Variants in HSPG2 observed in about 807,000 individuals in gnomAD.
HSPG2 encodes heparan sulfate proteoglycan 2.
In HSPG2, 278 loss-of-function variants were observed where a neutral mutation model predicts 526.6. The observed-to-expected ratio is 0.53, with a 90% confidence interval of 0.48 to 0.58. The LOEUF is 0.58. Ranked by LOEUF, HSPG2 falls within the 20% of genes least tolerant of loss-of-function variation. The probability of loss-of-function intolerance (pLI) is 0.00; values close to 1 mark genes in which losing one functional copy is unlikely to be tolerated. For missense variants in HSPG2, 5,354 were observed against 6,099.5 expected (o/e 0.88, Z 4.07); for synonymous variants, 2,465 against 2,555.4 (o/e 0.96, Z 1.07).
chr1:21,823,314 G>T lies in HSPG2; in HGVS notation c.*2C>A. The stretch of plus-strand genomic sequence containing the variant: ...GGGAGTCCGTGTGGGGCAGGCAGGT[G>T]CCTACGAGGGGCAGGGGCGTGTGTT... On this transcript the variant is annotated 3_prime_UTR_variant, in exon 97 of 97. Coordinates refer to ENST00000374695, the MANE Select transcript of HSPG2 (RefSeq NM_005529.7). 1 of 1,528,734 alleles carries T rather than the reference G, an allele frequency of 6.5e-7. No individual in the cohort carries two copies. The allele number at this position is 1,528,734 out of a possible 1,614,324, so 94.7% of individuals were successfully genotyped here.
At position 21,831,530 on chromosome 1, in the gene HSPG2, T is replaced by C; in HGVS notation, c.11385A>G (p.Glu3795=). Residue 3795 remains glutamate (E), a synonymous_variant, in exon 83 of 97, where the codon GAA becomes GAG. Coordinates refer to ENST00000374695, the MANE Select transcript of HSPG2 (RefSeq NM_005529.7). The part of the protein sequence containing the change: ...GKFQGLDLNE[E]LYLGGYPDYG... ...AGTCAGGATAGCCACCCAGGTAGAG[T>C]TCCTCGTTCAGATCCAGGCCCTGGA... 1.2e-6 allele frequency: 2 copies of C among 1,613,886 alleles called. No individual in the cohort carries two copies. The highest frequency in any genetic ancestry group is 2.2e-5 in the East Asian group (1 of 44,840).
chr1:21,922,198 T>C (rs975085975), intron 1 of HSPG2, among the ~76,000 whole-genome samples: 1 of 152,180 alleles, frequency 6.6e-6, no homozygotes, highest in African/African-American at 2.4e-5. Context: ...AGTGTAGGAA[T>C]TGCCATTCCC....
intron 37 of HSPG2, among the ~76,000 whole-genome samples, chr1:21,863,112 C>A (rs1355733235): frequency 7.1e-6 from 1 of 140,706 alleles, no homozygotes; most frequent in East Asian, 2.1e-4. Flanking sequence ...GTGGCTCACA[C>A]CTGTAATCCC....
rs1641276054 is a variant in HSPG2 at position 21,878,614 on chromosome 1, C to T, written c.2521G>A (p.Ala841Thr). 12 of 1,614,034 alleles carry T rather than the reference C, an allele frequency of 7.4e-6. No homozygotes were observed. Among genetic ancestry groups the T allele is most frequent in the African/African-American group, 1.3e-5 (1 of 74,920 alleles). The change falls in exon 19 of 97, where the codon GCC becomes ACC. Residue 841 changes from alanine to threonine, a missense_variant. By Grantham distance (58) the Ala-to-Thr change is moderately conservative (BLOSUM62 0). Transcript: ENST00000374695. ...LDTDGQATCD[A>T]CAPGYTGRRC... The stretch of plus-strand genomic sequence containing the variant: ...CGGCCAGTGTAGCCTGGGGCACAGG[C>T]GTCACATGTGGCTTGGCCATCCGTG...
At chr1:21,827,455 T>C (rs903430771) in intron 91 of HSPG2, among the ~76,000 whole-genome samples, 1 of 152,168 alleles carries the variant, frequency 6.6e-6, no homozygotes, top group Non-Finnish European at 1.5e-5. Flanking sequence ...GATGTGTCTG[T>C]AAAGGGGTTA....
At chr1:21,933,012 AG>A (rs1259979158) in intron 1 of HSPG2, among the ~76,000 whole-genome samples, 2 of 152,178 alleles carry the variant, frequency 1.3e-5, no homozygotes, top group Non-Finnish European at 2.9e-5. Flanking sequence ...TGAGCCCAGG[AG>A]TTCGAGACCT....
In HSPG2 at chr1:21,831,498, G is replaced by T; in HGVS notation, c.11417C>A (p.Ala3806Asp). The change falls in exon 83 of 97, where the codon GCC (alanine) becomes GAC (aspartate). Residue 3806 changes from alanine (A) to aspartate (D), a missense_variant. By Grantham distance (126) the Ala-to-Asp change is moderately radical (BLOSUM62 -2). Transcript: ENST00000374695. ...GCTGCTCAGCCCCGCCTTGGGGATG[G>T]CACCATAGTCAGGATAGCCACCCAG... is the stretch of plus-strand genomic sequence containing the variant. The part of the protein sequence containing the change: ...LYLGGYPDYG[A>D]IPKAGLSSGF... 1 of 1,614,160 alleles carries T rather than the reference G, an allele frequency of 6.2e-7. No homozygotes were observed. Among genetic ancestry groups the T allele is most frequent in the South Asian group, 1.1e-5 (1 of 91,090 alleles).
Position 21,829,600 on chromosome 1 carries a change from C to T in HSPG2, c.11775G>A (p.Val3925=). 6.2e-7 allele frequency: 1 copy of T among 1,603,816 alleles called. No individual in the cohort carries two copies. The highest frequency in any genetic ancestry group is 8.5e-7 in the Non-Finnish European group (1 of 1,174,200). ...CCGACAGCGAGGGGGTGGTCACTGT[C>T]ACACCTGCAGCAGCCACAGCTCAGC... ...GRSGLRCEEG[V]TVTTPSLSGA... is the part of the protein sequence containing the mutation. The change falls in exon 87 of 97, where the codon GTG becomes GTA. Residue 3925 remains valine (V), a synonymous_variant. Coordinates refer to ENST00000374695, the MANE Select transcript of HSPG2 (RefSeq NM_005529.7).
chr1:21,928,589 C>A (rs970786551), intron 1 of HSPG2, among the ~76,000 whole-genome samples: 2 of 151,824 alleles, frequency 1.3e-5, no homozygotes, highest in Admixed American at 1.3e-4. Flanking sequence ...TACAGTCATG[C>A]ACCACCACAC....
intron 3 of HSPG2, among the ~76,000 whole-genome samples, chr1:21,894,432 C>A (rs566960309): frequency 6.6e-6 from 1 of 152,218 alleles, no homozygotes; most frequent in East Asian, 1.9e-4. Context: ...CCCTGACTGG[C>A]ATTCAGCCCA....
chr1:21,846,432 C>T lies in HSPG2; in HGVS notation c.8316+16G>A. The T allele has an allele frequency of 6.2e-7, 1 of 1,613,236 alleles. No individual in the cohort carries two copies. The highest frequency in any genetic ancestry group is 8.5e-7 in the Non-Finnish European group (1 of 1,180,038). On this transcript the variant is annotated intron_variant, in intron 63 of 96. Coordinates refer to ENST00000374695, the MANE Select transcript of HSPG2 (RefSeq NM_005529.7). ...ACATCCAGCGGCTCTCCCACCATTT[C>T]CTGCCAGCTGCATACCTGATGGTGA...
chr1:21,916,059 AAAG>A (rs370782829), intron 1 of HSPG2, among the ~76,000 whole-genome samples: 4 of 79,020 alleles, frequency 5.1e-5, no homozygotes, highest in East Asian at 3.7e-3. Flanking sequence ...TCAAAAAAGA[AAAG>A]AAGAAGAAGA....
chr1:21,924,346 C>A (rs1226780090), intron 1 of HSPG2, among the ~76,000 whole-genome samples: 2 of 152,064 alleles, frequency 1.3e-5, no homozygotes, highest in Non-Finnish European at 2.9e-5. Context: ...TATAAGTGCC[C>A]AACACAACTC....
Position 21,884,561 on chromosome 1 carries a change from T to C in HSPG2, c.1621A>G (p.Arg541Gly). 1 of 1,611,330 alleles carries C rather than the reference T, an allele frequency of 6.2e-7. No homozygotes were observed. The highest frequency in any genetic ancestry group is 8.5e-7 in the Non-Finnish European group (1 of 1,179,916). The change falls in exon 13 of 97, where the codon AGG becomes GGG. Residue 541 changes from arginine to glycine, a missense_variant. Arg to Gly is a moderately radical substitution (Grantham distance 125). Transcript: ENST00000374695. ...QSTRRFRDQI[R>G]LRFDQPDDFK... ...TCATCGGGTTGGTCAAAGCGCAGCC[T>C]GATCTGGTCCCGGAAGCGGCGGGTG...
intron 1 of HSPG2, among the ~76,000 whole-genome samples, chr1:21,905,166 C>G (rs1279298736): frequency 9.3e-6 from 1 of 107,512 alleles, no homozygotes; most frequent in Non-Finnish European, 1.8e-5. Flanking sequence ...ACACCCACCA[C>G]CCACCCACAC....
In HSPG2 at chr1:21,872,899, G is replaced by A. The variant is rs895933864; in HGVS notation, c.3888+98C>T. The A allele has an allele frequency of 2.6e-6, 4 of 1,535,438 alleles. No individual in the cohort carries two copies. Among genetic ancestry groups the A allele is most frequent in the South Asian group, 1.1e-5 (1 of 89,504 alleles). ...CTGTCCCCCATGCCCTGCCCCCCAT[G>A]CCCAGGTCTCGGCTTCCACCAGATG... On this transcript the variant is annotated intron_variant, in intron 31 of 96. Coordinates refer to ENST00000374695, the MANE Select transcript of HSPG2 (RefSeq NM_005529.7). The surrounding 1 kb of genome is among the most constrained non-coding windows in gnomAD (Gnocchi z 5.5).
rs2098041264 is a variant in HSPG2 at position 21,839,752 on chromosome 1, CAT to C, written c.9709+68_9709+69del. ...TGGGCATGACATCATCTCTAGATCA[CAT>C]GTGTCTACATTTCAGACCCCAGGGC... On this transcript the variant is annotated intron_variant, in intron 72 of 96. Coordinates refer to ENST00000374695, the MANE Select transcript of HSPG2 (RefSeq NM_005529.7). The surrounding 1 kb of genome is among the most constrained non-coding windows in gnomAD (Gnocchi z 4.5). 11 of 1,532,384 alleles carry C rather than the reference CAT, an allele frequency of 7.2e-6. No individual in the cohort carries two copies. The highest frequency in any genetic ancestry group is 6.8e-5 in the East Asian group (3 of 44,294). The allele number at this position is 1,532,384 out of a possible 1,614,324, so 94.9% of individuals were successfully genotyped here. A position where few individuals can be genotyped will look rare whatever the true frequency, so the allele number is the denominator to read the frequency against.
chr1:21,929,430 C>G, intron 1 of HSPG2, among the ~76,000 whole-genome samples: 1 of 151,326 alleles, frequency 6.6e-6, no homozygotes, highest in African/African-American at 2.4e-5. Flanking sequence ...TTTTAAGAGA[C>G]AGGATCGCGT....
At position 21,848,564 on chromosome 1, in the gene HSPG2, G is replaced by A. The variant is rs1572214109; in HGVS notation, c.7737+79C>T. ...TTGAATGACTGAATGAGCACAGAGTGAGGTGCTGAGAGTCCCCCCTCTTCC... is the reference window on the plus strand; with the variant it reads ...TTGAATGACTGAATGAGCACAGAGTAAGGTGCTGAGAGTCCCCCCTCTTCC... On this transcript the variant is annotated intron_variant, in intron 59 of 96. Coordinates refer to ENST00000374695, the MANE Select transcript of HSPG2 (RefSeq NM_005529.7). The surrounding 1 kb of genome is among the most constrained non-coding windows in gnomAD (Gnocchi z 4.9). 2.0e-5 allele frequency: 29 copies of A among 1,469,570 alleles called. No homozygotes were observed. In the South Asian group the frequency reaches 3.3e-4, roughly 17 times the overall value. The allele number at this position is 1,469,570 out of a possible 1,614,324, so 91.0% of individuals were successfully genotyped here.
Sources: gnomAD v4.1 joint callset for allele counts (sites outside exome capture counted in the v4.1 genomes callset) on GRCh38, gnomAD v4.1.1 for gene constraint, Gnocchi (gnomAD v3.1) non-coding constraint, MANE v1.5 for transcripts, NCBI Gene and HGNC (gene_info 2026-07-23, HGNC 2026-07-21) for gene names.